AHCY: variants seen among roughly 807,000 people sequenced by gnomAD.
AHCY encodes adenosylhomocysteinase.
In AHCY, 24 loss-of-function variants were observed where a neutral mutation model predicts 45.4. The observed-to-expected ratio is 0.53, with a 90% confidence interval of 0.38 to 0.74. The LOEUF is 0.74. Among genes scored for constraint, AHCY ranks in the 30% least tolerant of loss-of-function variants. The pLI is 0.00. For missense variants in AHCY, 449 were observed against 594.1 expected, an observed-to-expected ratio of 0.76 and a Z score of 2.54; for synonymous variants, 245 against 235.1, an observed-to-expected ratio of 1.04 and a Z score of -0.39.
At position 34,288,417 on chromosome 20, in the gene AHCY, C is replaced by A. The variant is rs907924010; in HGVS notation, c.972+1915G>T. 2.0e-5 allele frequency among the ~76,000 whole-genome samples: 3 copies of A among 152,304 alleles called. No homozygotes were observed. In the South Asian group the frequency reaches 6.2e-4, roughly 32 times the overall value. On this transcript the variant is annotated intron_variant, in intron 8 of 9. Transcript: ENST00000217426. ...ATGTGGTGGACCTGGTGTGGCAGCT[C>A]ACGCCTATAATCCCAGCACTTTGGG...
chr20:34,243,342 G>C, the AHCY span, among the ~76,000 whole-genome samples: 1 of 152,144 alleles, frequency 6.6e-6, no homozygotes, highest in Non-Finnish European at 1.5e-5. Flanking sequence ...TATTCAATTT[G>C]GCATCTGTTA....
chr20:34,293,681 A>C (rs1054112264), intron 3 of AHCY: 1 of 348,166 alleles, frequency 2.9e-6, no homozygotes, highest in African/African-American at 2.1e-5. Context: ...TGAAAACTCC[A>C]TTCTCGTTAG....
chr20:34,260,530 T>C, the AHCY span: 3 of 1,610,578 alleles, frequency 1.9e-6, no homozygotes, highest in African/African-American at 4.0e-5. Flanking sequence ...CTGTCTCTAT[T>C]GTGGGTAAGT....
chr20:34,304,930 C>T (rs1440464376), upstream of AHCY, among the ~76,000 whole-genome samples: 3 of 151,632 alleles, frequency 2.0e-5, no homozygotes, highest in South Asian at 4.2e-4. Context: ...TCAGGTGATC[C>T]GCCAGCCTCT....
chr20:34,298,132 C>T (rs2036632202), intron 1 of AHCY, among the ~76,000 whole-genome samples: 1 of 151,810 alleles, frequency 6.6e-6, no homozygotes, highest in South Asian at 2.1e-4. Flanking sequence ...GAGTGAGACT[C>T]GGTCTCAAAA....
chr20:34,243,758 TAA>T, the AHCY span, among the ~76,000 whole-genome samples: 11 of 134,026 alleles, frequency 8.2e-5, no homozygotes, highest in South Asian at 2.4e-4. Context: ...ATATTGTATT[TAA>T]AAAAAAAAAA....
chr20:34,262,852 C>G, the AHCY span: 1 of 1,614,030 alleles, frequency 6.2e-7, no homozygotes, highest in Non-Finnish European at 8.5e-7. Context: ...GAAATCCAAA[C>G]AGATCGGCAG....
chr20:34,261,683 T>G, the AHCY span, among the ~76,000 whole-genome samples: 1 of 151,734 alleles, frequency 6.6e-6, no homozygotes, highest in African/African-American at 2.4e-5. Flanking sequence ...ATGCCTATGG[T>G]TCCAGCTATT....
chr20:34,246,409 T>C, the AHCY span: 1 of 1,366,058 alleles, frequency 7.3e-7, no homozygotes, highest in Non-Finnish European at 1.0e-6. Context: ...CAGGCATATA[T>C]TCACAGTACT....
chr20:34,261,258 G>T, the AHCY span, among the ~76,000 whole-genome samples: 9 of 152,096 alleles, frequency 5.9e-5, no homozygotes, highest in Admixed American at 2.6e-4. Flanking sequence ...AGCACTTTGG[G>T]AAGCTGGAGG....
upstream of AHCY, among the ~76,000 whole-genome samples, chr20:34,304,965 G>T (rs1269242440): frequency 1.3e-5 from 2 of 151,386 alleles, no homozygotes; most frequent in African/African-American, 2.4e-5. Context: ...TGGGATTACT[G>T]GCGTGAGCCA....
chr20:34,302,591 T>G, intron 1 of AHCY: 1 of 983,946 alleles, frequency 1.0e-6, no homozygotes, highest in African/African-American at 1.7e-5. Context: ...AAACACTAAG[T>G]AAACGTTAAC....
At chr20:34,295,202 A>G (rs2036530978) in intron 2 of AHCY, 193 bp downstream of exon 2, 4 of 738,414 alleles carry the variant, frequency 5.4e-6, no homozygotes, top group African/African-American at 1.7e-5. Flanking sequence ...AGCCAGGGAG[A>G]AAATCTGCAG....
chr20:34,291,082 T>C (rs1001178444), intron 5 of AHCY, 144 bp from the exon 6 acceptor site: 1 of 754,478 alleles, frequency 1.3e-6, no homozygotes, highest in African/African-American at 1.8e-5. Flanking sequence ...CAGCACCCAA[T>C]GCCCCCACAA....
chr20:34,243,457 T>A, the AHCY span, among the ~76,000 whole-genome samples: 1 of 151,644 alleles, frequency 6.6e-6, no homozygotes, highest in Non-Finnish European at 1.5e-5. Flanking sequence ...TAAGAAAAAA[T>A]TATTCTGAAT....
chr20:34,243,600 C>T, the AHCY span, among the ~76,000 whole-genome samples: 3 of 151,968 alleles, frequency 2.0e-5, no homozygotes, highest in Non-Finnish European at 2.9e-5. Context: ...AGACATCTGC[C>T]AGCACCAACA....
At chr20:34,275,762 C>T (rs1429864071), downstream of AHCY, among the ~76,000 whole-genome samples, 1 of 151,542 alleles carries the variant, frequency 6.6e-6, no homozygotes, top group East Asian at 1.9e-4. Context: ...ACTCTAACTG[C>T]CACCTCCCAG....
At chr20:34,307,652 G>A (rs903435838), upstream of AHCY, among the ~76,000 whole-genome samples, 2 of 152,184 alleles carry the variant, frequency 1.3e-5, no homozygotes, top group African/African-American at 2.4e-5. Context: ...GATTACAGGC[G>A]TGAGCCACCG....
At chr20:34,291,351 T>C (rs1230953662) in intron 5 of AHCY, 68 bp downstream of exon 5, 103 of 1,432,054 alleles carry the variant, frequency 7.2e-5, no homozygotes, top group East Asian at 2.3e-5. Context: ...TCCTGGGCAC[T>C]CTTCTTCAGA....
Sources: allele counts gnomAD v4.1 joint callset (sites outside exome capture counted in the v4.1 genomes callset), GRCh38; gene constraint gnomAD v4.1.1; transcripts MANE v1.5; gene names NCBI Gene and HGNC (gene_info 2026-07-23, HGNC 2026-07-21).